The following GPR39 variants were observed in gnomAD, a reference collection of about 807,000 sequenced individuals.
The protein encoded by GPR39 is zinc sensing receptor.
A neutral mutation model predicts 18.4 loss-of-function variants in GPR39; 23 were observed. The ratio of observed to expected loss-of-function variants is 1.25; its 90% CI spans 0.90 to 1.77. The LOEUF is 1.77. GPR39 is among the 40% of genes most tolerant of loss of function. The pLI is 0.00. For missense variants in GPR39, 647 were observed against 602.4 expected (o/e 1.07, Z -0.78); for synonymous variants, 280 against 257.9 (o/e 1.09, Z -0.82).
chr2:132,588,912 A>G (rs1680778726), intron 1 of GPR39, among the ~76,000 whole-genome samples: 1 of 152,188 alleles, frequency 6.6e-6, no homozygotes, highest in South Asian at 2.1e-4. Flanking sequence ...AATCAGCCTC[A>G]AATGGGGAGA....
Position 132,417,281 on chromosome 2 carries a change from T to C in GPR39, c.239T>C (p.Ile80Thr). 1 of 1,614,078 alleles carries C rather than the reference T, an allele frequency of 6.2e-7. No homozygotes were observed. The highest frequency in any genetic ancestry group is 1.1e-5 in the South Asian group (1 of 91,060). ...DHMVSLACSD[I>T]LVFLIGMPME... The stretch of plus-strand genomic sequence containing the variant: ...ATGGTGAGTTTGGCTTGCTCGGACA[T>C]CTTGGTGTTCCTCATCGGCATGCCC... The change falls in exon 1 of 2, where the codon ATC becomes ACC. Residue 80 changes from isoleucine (I) to threonine (T), a missense_variant. Physicochemically the swap from Ile to Thr is moderately conservative, Grantham distance 89 (BLOSUM62 -1). Transcript: ENST00000329321.
chr2:132,427,876 C>CAT (rs3035847), intron 1 of GPR39, among the ~76,000 whole-genome samples: 30,060 of 142,506 alleles, frequency 0.21, 3,326 homozygotes, highest in African/African-American at 0.25. Flanking sequence ...AGCTGTACTT[C>CAT]ATATATATAT....
At chr2:132,460,169 C>T (rs1013619055) in intron 1 of GPR39, among the ~76,000 whole-genome samples, 1 of 152,134 alleles carries the variant, frequency 6.6e-6, no homozygotes, top group African/African-American at 2.4e-5. Context: ...TACCCTTGCT[C>T]CCAGACTCCT....
intron 1 of GPR39, among the ~76,000 whole-genome samples, chr2:132,633,056 A>G (rs1421719243): frequency 6.6e-6 from 1 of 152,094 alleles, no homozygotes; most frequent in Non-Finnish European, 1.5e-5. Context: ...TGCCTGAAGA[A>G]TGGGGGGTAA....
At position 132,645,961 on chromosome 2, in the gene GPR39, C is replaced by CAGAAGAAACTCACTCAGGGAG; in HGVS notation, c.*356_*376dup. The CAGAAGAAACTCACTCAGGGAG allele has an allele frequency of 9.6e-7, 1 of 1,043,714 alleles. No individual in the cohort carries two copies. The highest frequency in any genetic ancestry group is 1.4e-6 in the Non-Finnish European group (1 of 727,538). 64.7% of individuals were successfully genotyped at this position (1,043,714 alleles called of 1,614,324 possible). ...TCCCTACCCAGAATAAAAGGACACC[C>CAGAAGAAACTCACTCAGGGAG]AGAAGAAACTCACTCAGGGAGGTGG... On this transcript the variant is annotated 3_prime_UTR_variant, in exon 2 of 2. Coordinates refer to ENST00000329321, the MANE Select transcript of GPR39 (RefSeq NM_001508.3).
intron 1 of GPR39, among the ~76,000 whole-genome samples, chr2:132,587,707 G>T (rs894283363): frequency 1.3e-5 from 2 of 151,950 alleles, no homozygotes; most frequent in African/African-American, 4.8e-5. Flanking sequence ...GCTAATTTTT[G>T]TATTTTTAGT....
intron 1 of GPR39, among the ~76,000 whole-genome samples, chr2:132,608,964 C>T (rs1681190387): frequency 6.6e-6 from 1 of 152,068 alleles, no homozygotes; most frequent in Admixed American, 6.6e-5. Context: ...GCCAAATGGG[C>T]CTGCAAAATA....
chr2:132,445,089 T>C (rs557923693), intron 1 of GPR39, among the ~76,000 whole-genome samples: 1 of 152,308 alleles, frequency 6.6e-6, no homozygotes, highest in African/African-American at 2.4e-5. Context: ...AATTATAGAA[T>C]AATCATTTAA....
At chr2:132,580,734 T>C (rs561735000) in intron 1 of GPR39, among the ~76,000 whole-genome samples, 1 of 152,116 alleles carries the variant, frequency 6.6e-6, no homozygotes, top group African/African-American at 2.4e-5. Flanking sequence ...GAGGCCAAGG[T>C]GGGTGGATCA....
At chr2:132,579,018 C>T (rs1680578206) in intron 1 of GPR39, among the ~76,000 whole-genome samples, 1 of 151,048 alleles carries the variant, frequency 6.6e-6, no homozygotes, top group African/African-American at 2.4e-5. Context: ...GTTTTTTTCT[C>T]TCTTCTTTTT....
rs968349211 is a variant in GPR39, at chr2:132,417,214, C to T, written c.172C>T (p.Leu58=). The T allele has an allele frequency of 1.2e-5, 19 of 1,614,040 alleles. No homozygotes were observed. The South Asian group carries it at 2.1e-4, about 18-fold the overall frequency. Residue 58 remains leucine (L), a synonymous_variant, in exon 1 of 2, where the codon CTG becomes TTG. Coordinates refer to ENST00000329321, the MANE Select transcript of GPR39 (RefSeq NM_001508.3). ...NSATIRVTQV[L]QKKGYLQKEV... is the part of the protein sequence containing the mutation. ...CGCCACCATTCGGGTCACCCAGGTG[C>T]TGCAGAAGAAAGGATACTTGCAGAA... is the stretch of plus-strand genomic sequence containing the variant.
chr2:132,577,074 G>A (rs1302157227), intron 1 of GPR39, among the ~76,000 whole-genome samples: 2 of 151,354 alleles, frequency 1.3e-5, no homozygotes, highest in Non-Finnish European at 1.5e-5. Flanking sequence ...CTGTTTTTGG[G>A]GCTGGGCAAG....
At chr2:132,476,729 A>T (rs556404992) in intron 1 of GPR39, among the ~76,000 whole-genome samples, 109 of 151,158 alleles carry the variant, frequency 7.2e-4, no homozygotes, top group Non-Finnish European at 1.3e-3. Context: ...TGAGGTAGGG[A>T]TGGAGGAAAA....
chr2:132,419,948 C>T (rs546863149), intron 1 of GPR39, among the ~76,000 whole-genome samples: 1 of 152,314 alleles, frequency 6.6e-6, no homozygotes, highest in East Asian at 1.9e-4. Context: ...GTTCTCCCCA[C>T]AGCAGGTGCT....
At chr2:132,574,618 C>T (rs1680499139) in intron 1 of GPR39, among the ~76,000 whole-genome samples, 1 of 152,084 alleles carries the variant, frequency 6.6e-6, no homozygotes, top group Non-Finnish European at 1.5e-5. Flanking sequence ...ACCTGTAATC[C>T]CAGCTACTCA....
chr2:132,541,375 C>T (rs1479354023), intron 1 of GPR39, among the ~76,000 whole-genome samples: 18 of 152,184 alleles, frequency 1.2e-4, no homozygotes, highest in Admixed American at 7.2e-4. Context: ...GGAGCCACCA[C>T]GCCTGGCCAG....
intron 1 of GPR39, among the ~76,000 whole-genome samples, chr2:132,476,808 C>T (rs998201934): frequency 6.6e-6 from 1 of 152,158 alleles, no homozygotes; most frequent in Non-Finnish European, 1.5e-5. Flanking sequence ...GTCCATTTCT[C>T]GGCTCTGTAG....
At position 132,646,565 on chromosome 2, in the gene GPR39, A is replaced by AGCTC. The variant is rs1682096886; in HGVS notation, c.*959_*960insGCTC. On this transcript the variant is annotated 3_prime_UTR_variant, in exon 2 of 2. Transcript: ENST00000329321. ...AGAGCTGTTAAATAGACTTATTTAC[A>AGCTC]TTTTAAGTCAGAGTTCACACTGTGT... 4 of 312,484 alleles carry AGCTC rather than the reference A, an allele frequency of 1.3e-5. No homozygotes were observed. Among genetic ancestry groups the AGCTC allele is most frequent in the Non-Finnish European group, 2.3e-5 (4 of 172,326 alleles). 19.4% of individuals were successfully genotyped at this position (312,484 alleles called of 1,614,324 possible). A position where few individuals can be genotyped will look rare whatever the true frequency, so the allele number is the denominator to read the frequency against.
In GPR39 at chr2:132,645,933, C is replaced by T. The variant is rs563861666; in HGVS notation, c.*327C>T. ...AGGAACAAAAGAGAACACGGACTCCCGCTCCCTACCCAGAATAAAAGGACA... is the reference window on the plus strand; with the variant it reads ...AGGAACAAAAGAGAACACGGACTCCTGCTCCCTACCCAGAATAAAAGGACA... On this transcript the variant is annotated 3_prime_UTR_variant, in exon 2 of 2. Transcript: ENST00000329321. 2.7e-4 allele frequency: 210 copies of T among 785,838 alleles called. 1 individual carries two copies. The highest frequency in any genetic ancestry group is 3.9e-4 in the Middle Eastern group (1 of 2,566). The allele number at this position is 785,838 out of a possible 1,614,324, so 48.7% of individuals were successfully genotyped here.
Sources: gnomAD v4.1 joint callset for allele counts (sites outside exome capture counted in the v4.1 genomes callset) on GRCh38, gnomAD v4.1.1 for gene constraint, MANE v1.5 for transcripts, NCBI Gene and HGNC (gene_info 2026-07-23, HGNC 2026-07-21) for gene names.